Variants in LINGO2 observed in about 807,000 individuals in gnomAD.
LINGO2 encodes the protein leucine-rich repeat and immunoglobulin-like domain-containing nogo receptor-interacting protein 2.
A neutral mutation model predicts 30.6 loss-of-function variants in LINGO2; 14 were observed. The observed-to-expected ratio is 0.46, with a 90% CI of 0.30 to 0.72. The LOEUF is 0.72. Among genes scored for constraint, LINGO2 ranks in the 30% least tolerant of loss-of-function variants. The pLI, the probability that LINGO2 is intolerant of heterozygous loss-of-function variation, is 0.07. For missense variants in LINGO2, 729 were observed against 751.7 expected (o/e 0.97, Z 0.35); for synonymous variants, 317 against 288.5 (o/e 1.10, Z -1.00).
the LINGO2 span, among the ~76,000 whole-genome samples, chr9:29,010,025 C>A: frequency 1.3e-5 from 2 of 151,942 alleles, no homozygotes. Context: ...ATACAAAAAT[C>A]AATTCAAGAT....
At chr9:29,024,038 A>C in the LINGO2 span, among the ~76,000 whole-genome samples, 30 of 152,040 alleles carry the variant, frequency 2.0e-4, no homozygotes, top group Non-Finnish European at 3.4e-4. Flanking sequence ...ACCCACAACC[A>C]ATACACCCTT....
chr9:28,346,614 G>A (rs953850865), intron 3 of LINGO2, among the ~76,000 whole-genome samples: 28 of 152,046 alleles, frequency 1.8e-4, no homozygotes, highest in Admixed American at 1.6e-3. Context: ...GAATTGCCAC[G>A]CTGCTTTCCA....
At chr9:28,513,632 G>C (rs1163184289) in intron 1 of LINGO2, among the ~76,000 whole-genome samples, 1 of 152,134 alleles carries the variant, frequency 6.6e-6, no homozygotes, top group Non-Finnish European at 1.5e-5. Context: ...AAAAATACTG[G>C]ATGAGTCTAC....
At chr9:28,398,018 G>A (rs552027428) in intron 2 of LINGO2, among the ~76,000 whole-genome samples, 1 of 152,146 alleles carries the variant, frequency 6.6e-6, no homozygotes, top group African/African-American at 2.4e-5. Flanking sequence ...CATACATTGA[G>A]AATAAAAGAA....
chr9:28,647,391 A>G (rs966535995), intron 1 of LINGO2, among the ~76,000 whole-genome samples: 2 of 152,080 alleles, frequency 1.3e-5, no homozygotes, highest in Non-Finnish European at 2.9e-5. Flanking sequence ...TAGAACTTTA[A>G]CAGGTTTGCT....
At chr9:28,288,044 G>A (rs1823580376) in intron 4 of LINGO2, among the ~76,000 whole-genome samples, 1 of 152,134 alleles carries the variant, frequency 6.6e-6, no homozygotes, top group Admixed American at 6.5e-5. Context: ...CTGCACTCAT[G>A]GACCTGAACG....
chr9:27,950,034 A>G, exon 6 of LINGO2: 11 of 1,614,084 alleles, frequency 6.8e-6, no homozygotes, highest in Non-Finnish European at 9.3e-6. Context: ...CATATTGTTG[A>G]TATTGAGATG....
chr9:28,337,734 A>C (rs1456936435), intron 3 of LINGO2, among the ~76,000 whole-genome samples: 1 of 152,102 alleles, frequency 6.6e-6, no homozygotes, highest in Non-Finnish European at 1.5e-5. Flanking sequence ...TGCCAGCCCC[A>C]AACTTTGGAG....
chr9:29,087,917 T>G, the LINGO2 span, among the ~76,000 whole-genome samples: 1 of 152,128 alleles, frequency 6.6e-6, no homozygotes, highest in South Asian at 2.1e-4. Flanking sequence ...GATACCTACC[T>G]CATAAAGATT....
chr9:28,319,634 C>A (rs1824967521), intron 3 of LINGO2, among the ~76,000 whole-genome samples: 1 of 151,920 alleles, frequency 6.6e-6, no homozygotes, highest in African/African-American at 2.4e-5. Context: ...CTGTATGATT[C>A]CTGTTATATG....
chr9:28,345,621 C>T (rs114092217), intron 3 of LINGO2, among the ~76,000 whole-genome samples: 1,776 of 152,262 alleles, frequency 0.012, 41 homozygotes, highest in African/African-American at 0.04. Flanking sequence ...TGAAGGATGA[C>T]TTCAGAAGGA....
intron 2 of LINGO2, among the ~76,000 whole-genome samples, chr9:28,412,513 G>T (rs1205484854): frequency 2.0e-5 from 3 of 152,066 alleles, no homozygotes; most frequent in Non-Finnish European, 4.4e-5. Context: ...GATCTTACAT[G>T]CAGAAAACTC....
chr9:28,118,160 AG>A (rs1289201006), intron 4 of LINGO2, among the ~76,000 whole-genome samples: 3 of 152,104 alleles, frequency 2.0e-5, no homozygotes, highest in African/African-American at 7.2e-5. Context: ...ATGGATTGAT[AG>A]GTGCAGCAAA....
chr9:29,188,901 G>T, the LINGO2 span, among the ~76,000 whole-genome samples: 20 of 149,142 alleles, frequency 1.3e-4, 1 homozygote, highest in South Asian at 4.3e-3. Flanking sequence ...TTCCCAGTAG[G>T]GGTGGCCGGG....
rs572516726 is a variant in LINGO2, at chr9:28,171,954, C to G, written c.-87+123254G>C. 1.6e-4 allele frequency among the ~76,000 whole-genome samples: 20 copies of G among 127,170 alleles called. No homozygotes were observed. In the East Asian group the frequency reaches 1.9e-3, roughly 12 times the overall value. The allele number at this position is 127,170 out of a possible 152,430, so 83.4% of individuals were successfully genotyped here. On this transcript the variant is annotated intron_variant, in intron 4 of 5. Coordinates refer to ENST00000379992, the Ensembl canonical transcript of LINGO2. ...GGAGAATGGCGTTCAGGAGGCAGAG[C>G]TTGCAGTGAGCCGAGATCACGCCAC... is the stretch of plus-strand genomic sequence containing the variant.
At chr9:29,049,451 T>C in the LINGO2 span, among the ~76,000 whole-genome samples, 2 of 152,142 alleles carry the variant, frequency 1.3e-5, no homozygotes, top group Non-Finnish European at 2.9e-5. Context: ...CACTGCTGGG[T>C]ATATACCCAA....
the LINGO2 span, among the ~76,000 whole-genome samples, chr9:28,729,344 G>T: frequency 6.6e-6 from 1 of 152,030 alleles, no homozygotes; most frequent in Admixed American, 6.6e-5. Context: ...AGTTAATCAT[G>T]AACATAAAAT....
intron 1 of LINGO2, among the ~76,000 whole-genome samples, chr9:28,651,866 C>T (rs1588027735): frequency 1.3e-5 from 2 of 152,270 alleles, no homozygotes; most frequent in East Asian, 3.9e-4. Context: ...GACAATTCAT[C>T]ACCCCCTTAG....
chr9:28,521,463 T>C (rs1055750517), intron 1 of LINGO2, among the ~76,000 whole-genome samples: 4 of 152,116 alleles, frequency 2.6e-5, no homozygotes, highest in African/African-American at 9.7e-5. Flanking sequence ...ACCAATATTG[T>C]GCATGATGTG....
Sources: gnomAD v4.1 joint callset for allele counts (sites outside exome capture counted in the v4.1 genomes callset) on GRCh38, gnomAD v4.1.1 for gene constraint, MANE v1.5 for transcripts, NCBI Gene and HGNC (gene_info 2026-07-23, HGNC 2026-07-21) for gene names.